SLC25A23: variants seen among roughly 807,000 people sequenced by gnomAD.
The protein encoded by SLC25A23 is mitochondrial adenyl nucleotide antiporter SLC25A23.
A neutral mutation model predicts 53.9 loss-of-function variants in SLC25A23; 32 were observed. The ratio of observed to expected loss-of-function variants is 0.59; its 90% confidence interval spans 0.45 to 0.80. SLC25A23 has a LOEUF of 0.80. Among genes scored for constraint, SLC25A23 ranks in the 30% least tolerant of loss-of-function variants. The probability of loss-of-function intolerance (pLI) is 0.00; values close to 1 mark genes in which losing one functional copy is unlikely to be tolerated. For synonymous variants in SLC25A23, 275 were observed against 264.5 expected, an observed-to-expected ratio of 1.04 and a Z score of -0.38; for missense variants, 575 against 651.4, an observed-to-expected ratio of 0.88 and a Z score of 1.28.
At chr19:6,444,438 G>T in intron 8 of SLC25A23, 137 bp from the exon 9 acceptor site, 1 of 920,002 alleles carries the variant, frequency 1.1e-6, no homozygotes, top group Non-Finnish European at 1.6e-6. Context: ...GGCCGGGCCA[G>T]CCCTTTCCCT....
intron 2 of SLC25A23, 115 bp from the exon 3 acceptor site, chr19:6,457,705 C>T: frequency 1.1e-6 from 1 of 896,744 alleles, no homozygotes; most frequent in South Asian, 1.5e-5. Flanking sequence ...TCAGGGGCTC[C>T]AGAAACCTAG....
chr19:6,442,220 T>A, intron 9 of SLC25A23, 61 bp from the exon 10 acceptor site: 1 of 1,259,252 alleles, frequency 7.9e-7, no homozygotes, highest in Non-Finnish European at 1.1e-6. Flanking sequence ...TTCCCCCTCC[T>A]ACCCCCAGGG....
chr19:6,456,067 C>T (rs1488149982), intron 4 of SLC25A23: 3 of 1,345,482 alleles, frequency 2.2e-6, no homozygotes, highest in Non-Finnish European at 9.7e-7. Context: ...ATCTTTTATC[C>T]AGGCAGAGAA....
rs772333416 is a variant in SLC25A23 at position 6,456,444 on chromosome 19, C to A, written c.459G>T (p.Val153=). The A allele has an allele frequency of 3.0e-5, 49 of 1,613,986 alleles. No individual in the cohort carries two copies. In the Admixed American group the frequency reaches 7.8e-4, roughly 26 times the overall value. Residue 153 remains valine (V), a synonymous_variant, in exon 4 of 10, where the codon GTG becomes GTT. Coordinates refer to ENST00000301454, the MANE Select transcript of SLC25A23 (RefSeq NM_024103.3). ...LLHSLENVED[V]LYFWKHSTVL... The stretch of plus-strand genomic sequence containing the variant: ...CCGTGGAATGCTTCCAGAAATACAG[C>A]ACGTCCTCCACATTTTCCAGCGAAT...
Position 6,452,388 on chromosome 19 carries a change from C to T in SLC25A23, c.995G>A (p.Arg332His), listed in dbSNP as rs140513558. 1.9e-5 allele frequency: 31 copies of T among 1,613,600 alleles called. No individual in the cohort carries two copies. The highest frequency in any genetic ancestry group is 1.7e-4 in the Middle Eastern group (1 of 6,054). Residue 332 changes from arginine to histidine, a missense_variant, in exon 8 of 10, where the codon CGT (arginine) becomes CAT (histidine). Physicochemically the swap from Arg to His is conservative, Grantham distance 29. Coordinates refer to ENST00000301454, the MANE Select transcript of SLC25A23 (RefSeq NM_024103.3). ...GGGGAGGTAGCCGCGGTAGAAGGCACGGGGCCCCTCCCTCTCCAGGATACG... is the reference window on the plus strand; with the variant it reads ...GGGGAGGTAGCCGCGGTAGAAGGCATGGGGCCCCTCCCTCTCCAGGATACG... ...ARRILEREGP[R>H]AFYRGYLPNV...
intron 8 of SLC25A23, among the ~76,000 whole-genome samples, chr19:6,449,255 CTT>C (rs57753988): frequency 3.8e-4 from 52 of 138,046 alleles, no homozygotes; most frequent in African/African-American, 5.3e-4. Context: ...TTCTTTCTTT[CTT>C]TTTTTTTTTT....
rs2092669270 is a variant in SLC25A23 at position 6,455,679 on chromosome 19, G to A, written c.483+741C>T. Among the ~76,000 whole-genome samples, 3 of 150,364 alleles carry A rather than the reference G, an allele frequency of 2.0e-5. No homozygotes were observed. The South Asian group carries it at 6.3e-4, about 32-fold the overall frequency. On this transcript the variant is annotated intron_variant, in intron 4 of 9. Coordinates refer to ENST00000301454, the MANE Select transcript of SLC25A23 (RefSeq NM_024103.3). Reference sequence around the variant, plus strand: ...GCAAACCCCCACTACCCTCTCTAGTGGCTCCCATTGGATCCTCTGAAGACC... The same window carrying A: ...GCAAACCCCCACTACCCTCTCTAGTAGCTCCCATTGGATCCTCTGAAGACC...
chr19:6,456,389 C>T (rs1281094750), intron 4 of SLC25A23, 31 bp downstream of exon 4: 5 of 1,601,954 alleles, frequency 3.1e-6, no homozygotes, highest in Non-Finnish European at 4.3e-6. Context: ...AGGGCACAGC[C>T]TTCAGCTGGG....
At chr19:6,450,513 C>T (rs1399168513) in intron 8 of SLC25A23, among the ~76,000 whole-genome samples, 1 of 152,138 alleles carries the variant, frequency 6.6e-6, no homozygotes, top group Non-Finnish European at 1.5e-5. Flanking sequence ...TGGCAGGGAC[C>T]ATGCTGGTCT....
intron 4 of SLC25A23, among the ~76,000 whole-genome samples, chr19:6,455,443 C>G (rs544555095): frequency 1.1e-4 from 16 of 152,214 alleles, no homozygotes; most frequent in African/African-American, 3.9e-4. Context: ...CGAAATCTCA[C>G]AGGGATCTCC....
At chr19:6,455,940 C>T (rs776596863) in intron 4 of SLC25A23, 27 of 1,055,924 alleles carry the variant, frequency 2.6e-5, no homozygotes, top group South Asian at 4.0e-5. Flanking sequence ...AGGATGGTCG[C>T]GATCGCCTGA....
chr19:6,455,269 C>T (rs1359590043), intron 4 of SLC25A23, among the ~76,000 whole-genome samples: 1 of 151,994 alleles, frequency 6.6e-6, no homozygotes. Context: ...AAGACCTTGT[C>T]TGTAACAGCA....
chr19:6,453,129 A>G (rs1194339597), intron 7 of SLC25A23, among the ~76,000 whole-genome samples: 1 of 152,138 alleles, frequency 6.6e-6, no homozygotes, highest in East Asian at 1.9e-4. Flanking sequence ...ACATTGGTCC[A>G]TGAGGTTGTG....
At chr19:6,452,529 C>T (rs1228532894) in intron 7 of SLC25A23, 50 bp from the exon 8 acceptor site, 1 of 1,560,220 alleles carries the variant, frequency 6.4e-7, no homozygotes, top group African/African-American at 1.4e-5. Context: ...CAAATCGCTA[C>T]ATCCAGGAAT....
chr19:6,449,877 T>C (rs1442051014), intron 8 of SLC25A23, among the ~76,000 whole-genome samples: 1 of 148,630 alleles, frequency 6.7e-6, no homozygotes, highest in Non-Finnish European at 1.5e-5. Flanking sequence ...TTTTTTTTTT[T>C]TTGAGATGGA....
intron 8 of SLC25A23, among the ~76,000 whole-genome samples, chr19:6,450,850 TG>T (rs2092577447): frequency 1.3e-5 from 2 of 151,760 alleles, no homozygotes; most frequent in East Asian, 3.9e-4. Context: ...GAGGCTGAGG[TG>T]GGGGGATCCC....
intron 8 of SLC25A23, 91 bp from the exon 9 acceptor site, chr19:6,444,392 C>T: frequency 7.3e-7 from 1 of 1,377,786 alleles, no homozygotes; most frequent in Non-Finnish European, 9.8e-7. Context: ...TATCCCATGA[C>T]AGGTGCTACT....
intron 7 of SLC25A23, among the ~76,000 whole-genome samples, chr19:6,453,206 T>C: frequency 6.6e-6 from 1 of 151,586 alleles, no homozygotes; most frequent in East Asian, 1.9e-4. Context: ...CAGCCTGAAA[T>C]GCTCATCTGT....
intron 7 of SLC25A23, among the ~76,000 whole-genome samples, chr19:6,452,768 G>T (rs1324347737): frequency 6.6e-6 from 1 of 152,082 alleles, no homozygotes; most frequent in Non-Finnish European, 1.5e-5. Flanking sequence ...TGCCCGTGCT[G>T]GTCTCGAACT....
Sources: gnomAD v4.1 joint callset for allele counts (sites outside exome capture counted in the v4.1 genomes callset) on GRCh38, gnomAD v4.1.1 for gene constraint, MANE v1.5 for transcripts, NCBI Gene and HGNC (gene_info 2026-07-23, HGNC 2026-07-21) for gene names.